The following KLF8 variants were observed in gnomAD, a reference collection of about 807,000 sequenced individuals.
KLF8 encodes the protein KLF transcription factor 8.
In KLF8, 10 loss-of-function variants were observed where a neutral mutation model predicts 18.2. The observed-to-expected ratio is 0.55, with a 90% CI of 0.34 to 0.93. The LOEUF is 0.93. Ranked by LOEUF, KLF8 falls within the 40% of genes least tolerant of loss-of-function variation. The pLI is 0.02. For synonymous variants in KLF8, 109 were observed against 97.3 expected (o/e 1.12, Z -0.71); for missense variants, 264 against 277.9 (o/e 0.95, Z 0.36).
chrX:56,024,838 G>A, the KLF8 span, among the ~76,000 whole-genome samples: 1 of 112,265 alleles, frequency 8.9e-6, no homozygotes, highest in African/African-American at 3.2e-5. Flanking sequence ...GCACCGGGCT[G>A]CCTGCCTTTG....
the KLF8 span, among the ~76,000 whole-genome samples, chrX:55,926,614 C>T: frequency 9.0e-6 from 1 of 110,662 alleles, no homozygotes; most frequent in Non-Finnish European, 1.9e-5. Flanking sequence ...TGGGATCAGG[C>T]CCTAGGGTAT....
chrX:56,223,898 T>G, the KLF8 span, among the ~76,000 whole-genome samples: 1 of 111,599 alleles, frequency 9.0e-6, no homozygotes, highest in African/African-American at 3.3e-5. Context: ...TTAAGAGATT[T>G]TAGTTTTTAT....
the KLF8 span, among the ~76,000 whole-genome samples, chrX:56,065,748 C>CTT: frequency 9.0e-6 from 1 of 111,138 alleles, no homozygotes; most frequent in Non-Finnish European, 1.9e-5. Context: ...GGGTAGGGAA[C>CTT]TTTGGGTTTG....
the KLF8 span, among the ~76,000 whole-genome samples, chrX:55,934,684 C>T: frequency 2.7e-5 from 3 of 112,470 alleles, no homozygotes; most frequent in Non-Finnish European, 1.9e-5. Flanking sequence ...CTGATATCTT[C>T]AACCAATTTC....
chrX:55,972,768 A>G, the KLF8 span, among the ~76,000 whole-genome samples: 13 of 112,131 alleles, frequency 1.2e-4, no homozygotes, highest in Admixed American at 1.0e-3. Context: ...AAAAATCTAT[A>G]TTGTTAAAAT....
chrX:56,157,367 T>G, the KLF8 span, among the ~76,000 whole-genome samples: 2 of 110,022 alleles, frequency 1.8e-5, no homozygotes, highest in African/African-American at 3.3e-5. Flanking sequence ...ACATGTACCC[T>G]AGAACTTAAA....
chrX:56,275,525 TC>T (rs1256151137), intron 5 of KLF8, among the ~76,000 whole-genome samples: 1 of 111,751 alleles, frequency 8.9e-6, no homozygotes, highest in African/African-American at 3.3e-5. Context: ...AGGTAGGACT[TC>T]CTGTACCATG....
chrX:56,167,133 C>T, the KLF8 span, among the ~76,000 whole-genome samples: 3 of 111,023 alleles, frequency 2.7e-5, no homozygotes, highest in East Asian at 2.8e-4. Flanking sequence ...TTTTTTCTTT[C>T]TTTCTTTTGG....
At chrX:55,987,847 T>G in the KLF8 span, among the ~76,000 whole-genome samples, 1 of 111,808 alleles carries the variant, frequency 8.9e-6, no homozygotes, top group African/African-American at 3.2e-5. Flanking sequence ...TTTCTCCGCA[T>G]CCTCTCCAGC....
At chrX:56,054,153 A>G in the KLF8 span, among the ~76,000 whole-genome samples, 20 of 110,239 alleles carry the variant, frequency 1.8e-4, no homozygotes, top group African/African-American at 2.3e-4. Flanking sequence ...TTATTTTGAC[A>G]CGGAGTCTCT....
the KLF8 span, among the ~76,000 whole-genome samples, chrX:56,216,626 T>C: frequency 9.1e-6 from 1 of 109,858 alleles, no homozygotes; most frequent in East Asian, 2.8e-4. Flanking sequence ...TCCTCCAACC[T>C]TGACCTCCCA....
At chrX:56,004,521 T>C in the KLF8 span, among the ~76,000 whole-genome samples, 2 of 112,066 alleles carry the variant, frequency 1.8e-5, no homozygotes, top group Non-Finnish European at 3.8e-5. Context: ...TGGAACTTTA[T>C]ATGAGTATCT....
At chrX:56,074,732 A>G in the KLF8 span, 1 of 161,453 alleles carries the variant, frequency 6.2e-6, no homozygotes, top group South Asian at 1.0e-4. Context: ...GAATCTTCCA[A>G]CTTTGTTCTT....
At chrX:56,227,363 T>C (rs904059845), upstream of KLF8, among the ~76,000 whole-genome samples, 1 of 110,485 alleles carries the variant, frequency 9.1e-6, no homozygotes, top group Non-Finnish European at 1.9e-5. Context: ...TTTCTTTTTT[T>C]TTTTTTGGAC....
At chrX:56,110,516 A>G in the KLF8 span, among the ~76,000 whole-genome samples, 1 of 111,952 alleles carries the variant, frequency 8.9e-6, no homozygotes. Context: ...TCTGTAAGTC[A>G]TAATTTATTT....
the KLF8 span, among the ~76,000 whole-genome samples, chrX:56,153,094 C>A: frequency 9.0e-6 from 1 of 111,522 alleles, no homozygotes; most frequent in East Asian, 2.8e-4. Context: ...ATTTCTAAAA[C>A]ATGTATTTAT....
the KLF8 span, among the ~76,000 whole-genome samples, chrX:56,204,626 T>A: frequency 8.1e-5 from 9 of 111,444 alleles, no homozygotes; most frequent in Non-Finnish European, 1.5e-4. Context: ...GGTTTTTTTT[T>A]ATCATAAAGG....
At chrX:56,008,348 T>G in the KLF8 span, among the ~76,000 whole-genome samples, 2 of 109,234 alleles carry the variant, frequency 1.8e-5, no homozygotes, top group Non-Finnish European at 3.8e-5. Context: ...TTGCTGGGAC[T>G]GACGAGGCAG....
chrX:56,107,511 T>A, the KLF8 span, among the ~76,000 whole-genome samples: 1 of 111,745 alleles, frequency 8.9e-6, no homozygotes, highest in Non-Finnish European at 1.9e-5. Context: ...TCCATGGACA[T>A]GGGACCCGCC....
Sources: allele counts gnomAD v4.1 joint callset (sites outside exome capture counted in the v4.1 genomes callset), GRCh38; gene constraint gnomAD v4.1.1; transcripts MANE v1.5; gene names NCBI Gene and HGNC (gene_info 2026-07-23, HGNC 2026-07-21).